Variants in KNG1 observed in about 807,000 individuals in gnomAD.
KNG1 encodes the protein kininogen-1.
Under a neutral mutation model 47.8 loss-of-function variants are expected in KNG1, and 23 were observed. The observed-to-expected ratio is 0.48, with a 90% CI of 0.35 to 0.68. The LOEUF (loss-of-function observed/expected upper bound fraction) is 0.68, where lower values mean the gene tolerates loss of function less well. KNG1 is among the 30% of genes least tolerant of loss of function. The pLI, the probability that KNG1 is intolerant of heterozygous loss-of-function variation, is 0.01. For synonymous variants in KNG1, 277 were observed against 277.0 expected (o/e 1.00, Z 0.00); for missense variants, 762 against 790.2 (o/e 0.96, Z 0.43).
Position 186,742,358 on chromosome 3 carries a change from A to T in KNG1, c.*27A>T. Reference sequence around the variant, plus strand: ...TTAAGTGGCTATGGGTATTTCTTTCATACTTTATTAAAGTATCAATATCCC... The same window carrying T: ...TTAAGTGGCTATGGGTATTTCTTTCTTACTTTATTAAAGTATCAATATCCC... On this transcript the variant is annotated 3_prime_UTR_variant, in exon 10 of 10. Transcript: ENST00000644859. The T allele has an allele frequency of 6.2e-7, 1 of 1,612,098 alleles. No homozygotes were observed. Among genetic ancestry groups the T allele is most frequent in the Non-Finnish European group, 8.5e-7 (1 of 1,179,912 alleles).
rs528371683 is a variant in KNG1 at position 186,719,028 on chromosome 3, G to A, written c.196-1077G>A. 2.0e-5 allele frequency among the ~76,000 whole-genome samples: 3 copies of A among 151,982 alleles called. No homozygotes were observed. The East Asian group carries it at 5.8e-4, about 29-fold the overall frequency. The stretch of plus-strand genomic sequence containing the variant: ...AAAAAAACTAGCCATGTGACAACAT[G>A]GGGATAAAGGAAAATAAACACAGTG... On this transcript the variant is annotated intron_variant, in intron 1 of 9. Coordinates refer to ENST00000644859, the MANE Select transcript of KNG1 (RefSeq NM_001102416.3).
intron 1 of KNG1, chr3:186,718,533 G>C (rs1720095470): frequency 6.6e-6 from 1 of 151,490 alleles, no homozygotes; most frequent in South Asian, 2.1e-4. Flanking sequence ...CTCGTCCTCA[G>C]GCAGGTTGGC....
At position 186,741,963 on chromosome 3, in the gene KNG1, C is replaced by T; in HGVS notation, c.1567C>T (p.His523Tyr). The change falls in exon 10 of 10, where the codon CAT becomes TAT. Residue 523 changes from histidine (H) to tyrosine (Y), a missense_variant. Physicochemically the swap from His to Tyr is moderately conservative, Grantham distance 83 (BLOSUM62 2). Coordinates refer to ENST00000644859, the MANE Select transcript of KNG1 (RefSeq NM_001102416.3). ...AAAGCACAATGGTTGGAAAACAGAGCATTTGGCAAGCTCTTCTGAAGACAG... is the reference window on the plus strand; with the variant it reads ...AAAGCACAATGGTTGGAAAACAGAGTATTTGGCAAGCTCTTCTGAAGACAG... ...NGKHNGWKTE[H>Y]LASSSEDSTT... 6.2e-7 allele frequency: 1 copy of T among 1,614,206 alleles called. No individual in the cohort carries two copies. The highest frequency in any genetic ancestry group is 1.1e-5 in the South Asian group (1 of 91,086).
intron 5 of KNG1, 115 bp downstream of exon 5, chr3:186,727,459 C>G (rs1720406119): frequency 1.4e-6 from 1 of 719,676 alleles, no homozygotes; most frequent in African/African-American, 1.7e-5. Flanking sequence ...TTCAGCAATT[C>G]ATATTCACAT....
At position 186,725,124 on chromosome 3, in the gene KNG1, T is replaced by C. The variant is rs1720319493; in HGVS notation, c.428T>C (p.Leu143Pro). ...GPVVTAQYDC[L>P]GCVHPISTQS... ...GTGGTGACAGCCCAGTACGACTGCCTCGGCTGTGTGCATCCTATATCAACG... is the reference window on the plus strand; with the variant it reads ...GTGGTGACAGCCCAGTACGACTGCCCCGGCTGTGTGCATCCTATATCAACG... Residue 143 changes from leucine to proline, a missense_variant, in exon 4 of 10, where the codon CTC becomes CCC. Coordinates refer to ENST00000644859, the MANE Select transcript of KNG1 (RefSeq NM_001102416.3). 1.2e-6 allele frequency: 2 copies of C among 1,614,140 alleles called. No homozygotes were observed. The highest frequency in any genetic ancestry group is 1.6e-4 in the Middle Eastern group (1 of 6,062).
chr3:186,730,602 G>A (rs1413651987), intron 5 of KNG1, among the ~76,000 whole-genome samples: 2 of 144,040 alleles, frequency 1.4e-5, no homozygotes, highest in Admixed American at 1.5e-4. Context: ...GTTGCAGTGA[G>A]CTGAGATTGC....
At chr3:186,740,974 T>TG (rs1720794059) in intron 9 of KNG1, among the ~76,000 whole-genome samples, 1 of 145,804 alleles carries the variant, frequency 6.9e-6, no homozygotes, top group Non-Finnish European at 1.5e-5. Flanking sequence ...TGGGTTTTTT[T>TG]GTTTTTTTTT....
Position 186,731,527 on chromosome 3 carries a change from A to AAAAG in KNG1, c.673-18_673-17insAAAG. ...AAAATGTTTTTAACTGAGCACTTAT[A>AAAAG]TGCTTTTTAAAAACCAGGATACCGG... On this transcript the variant is annotated splice_polypyrimidine_tract_variant and intron_variant, in intron 5 of 9. Transcript: ENST00000644859. The AAAAG allele has an allele frequency of 6.5e-7, 1 of 1,533,114 alleles. No individual in the cohort carries two copies. The highest frequency in any genetic ancestry group is 2.2e-5 in the East Asian group (1 of 44,518). The allele number at this position is 1,533,114 out of a possible 1,614,324, so 95.0% of individuals were successfully genotyped here. A position where few individuals can be genotyped will look rare whatever the true frequency, so the allele number is the denominator to read the frequency against.
At chr3:186,729,761 C>T (rs1183750857) in intron 5 of KNG1, among the ~76,000 whole-genome samples, 2 of 152,134 alleles carry the variant, frequency 1.3e-5, no homozygotes, top group Admixed American at 1.3e-4. Flanking sequence ...CAACCTCCGC[C>T]TCCCGGGTTC....
At chr3:186,735,007 A>T (rs998803357) in intron 7 of KNG1, among the ~76,000 whole-genome samples, 7 of 152,186 alleles carry the variant, frequency 4.6e-5, no homozygotes, top group African/African-American at 1.7e-4. Context: ...CTGCTACTTG[A>T]GCACTTGTTT....
chr3:186,718,075 CACCACCACCA>C, intron 1 of KNG1: 1 of 275,260 alleles, frequency 3.6e-6, no homozygotes, highest in Admixed American at 5.9e-5. Context: ...ACCCACCACC[CACCACCACCA>C]ACCACCACCA....
At position 186,743,896 on chromosome 3, in the gene KNG1, C is replaced by A. The variant is rs1404105070; in HGVS notation, c.*1565C>A. 5.1e-6 allele frequency: 4 copies of A among 779,944 alleles called. No individual in the cohort carries two copies. The African/African-American group carries it at 6.8e-5, about 13-fold the overall frequency. The allele number at this position is 779,944 out of a possible 1,614,324, so 48.3% of individuals were successfully genotyped here. On this transcript the variant is annotated 3_prime_UTR_variant, in exon 10 of 10. Transcript: ENST00000644859. ...GATAGAATTTAAATAGAGAAGAATG[C>A]CATTTTATCACTCTGCCTCTGGGTG... is the stretch of plus-strand genomic sequence containing the variant.
Position 186,717,526 on chromosome 3 carries a change from A to C in KNG1, c.-17A>C, listed in dbSNP as rs758838788. On this transcript the variant is annotated 5_prime_UTR_variant, in exon 1 of 10. Coordinates refer to ENST00000644859, the MANE Select transcript of KNG1 (RefSeq NM_001102416.3). ...GGTGAAACCATCCCTCAGCTCCTAG[A>C]GGGAGATTGTTAGATCATGAAACTA... 1 of 1,586,860 alleles carries C rather than the reference A, an allele frequency of 6.3e-7. No homozygotes were observed. The highest frequency in any genetic ancestry group is 1.1e-5 in the South Asian group (1 of 90,428).
At position 186,722,454 on chromosome 3, in the gene KNG1, G is replaced by A. The variant is rs1469859; in HGVS notation, c.324G>A (p.Thr108=). 0.31 allele frequency: 498,579 copies of A among 1,609,830 alleles called. 79,781 individuals carry two copies. Among genetic ancestry groups the A allele is most frequent in the Admixed American group, 0.4 (23,879 of 59,828 alleles). Residue 108 remains threonine (T), a synonymous_variant, in exon 3 of 10, where the codon ACG becomes ACA. Coordinates refer to ENST00000644859, the MANE Select transcript of KNG1 (RefSeq NM_001102416.3). ...CTTTTTAGGCCACTGGAGAATGCAC[G>A]GCAACCGTGGGGAAGAGGAGCAGTA... ...DAAKAATGEC[T]ATVGKRSSTK...
rs1385813149 is a variant in KNG1, at chr3:186,720,090, T to C, written c.196-15T>C. 1.9e-6 allele frequency: 3 copies of C among 1,560,642 alleles called. No homozygotes were observed. Among genetic ancestry groups the C allele is most frequent in the Middle Eastern group, 1.7e-4 (1 of 6,000 alleles). On this transcript the variant is annotated splice_polypyrimidine_tract_variant and intron_variant, in intron 1 of 9. Coordinates refer to ENST00000644859, the MANE Select transcript of KNG1 (RefSeq NM_001102416.3). Reference sequence around the variant, plus strand: ...TCAGTTGGATGAACCCTAAGTATCTTTGGCTGCTTTTCAGGTTGGCTCTGA... The same window carrying C: ...TCAGTTGGATGAACCCTAAGTATCTCTGGCTGCTTTTCAGGTTGGCTCTGA...
intron 7 of KNG1, among the ~76,000 whole-genome samples, chr3:186,734,137 A>G (rs1720612023): frequency 6.6e-6 from 1 of 152,180 alleles, no homozygotes; most frequent in South Asian, 2.1e-4. Flanking sequence ...TAATCCTCAT[A>G]ATCTGGTGAA....
chr3:186,732,533 T>C lies in KNG1; in HGVS notation c.789T>C (p.Ile263=). ...GKDFVQPPTK[I]CVGCPRDIPT... Reference sequence around the variant, plus strand: ...ATTTTGTACAACCACCTACCAAGATTTGCGTGGGCTGCCCCAGAGATATAC... The same window carrying C: ...ATTTTGTACAACCACCTACCAAGATCTGCGTGGGCTGCCCCAGAGATATAC... Residue 263 remains isoleucine (I), a synonymous_variant, in exon 7 of 10, where the codon ATT becomes ATC. Coordinates refer to ENST00000644859, the MANE Select transcript of KNG1 (RefSeq NM_001102416.3). 1 of 1,614,148 alleles carries C rather than the reference T, an allele frequency of 6.2e-7. No individual in the cohort carries two copies.
Position 186,722,480 on chromosome 3 carries a change from C to T in KNG1, c.350C>T (p.Thr117Met), listed in dbSNP as rs369421808. The T allele has an allele frequency of 4.9e-5, 79 of 1,613,918 alleles. No homozygotes were observed. Among genetic ancestry groups the T allele is most frequent in the Middle Eastern group, 3.3e-4 (2 of 6,078 alleles). Reference protein sequence around the residue: ...CTATVGKRSSTKFSVATQTCQ... With the variant: ...CTATVGKRSSMKFSVATQTCQ... ...GCAACCGTGGGGAAGAGGAGCAGTA[C>T]GAAATTCTCCGTGGCTACCCAGACC... The change falls in exon 3 of 10, where the codon ACG becomes ATG. Residue 117 changes from threonine to methionine, a missense_variant. By Grantham distance (81) the Thr-to-Met change is moderately conservative. Transcript: ENST00000644859.
intron 6 of KNG1, among the ~76,000 whole-genome samples, 182 bp downstream of exon 6, chr3:186,731,811 A>G (rs1720541378): frequency 6.6e-6 from 1 of 152,226 alleles, no homozygotes; most frequent in African/African-American, 2.4e-5. Context: ...GTTGTGCTGC[A>G]GCTCAGACTG....
Sources: allele counts gnomAD v4.1 joint callset (sites outside exome capture counted in the v4.1 genomes callset), GRCh38; gene constraint gnomAD v4.1.1; transcripts MANE v1.5; gene names NCBI Gene and HGNC (gene_info 2026-07-23, HGNC 2026-07-21).